ALCAM: variants seen among roughly 807,000 people sequenced by gnomAD.
ALCAM encodes the protein activated leukocyte cell adhesion molecule.
A neutral mutation model predicts 70.9 loss-of-function variants in ALCAM; 30 were observed. The ratio of observed to expected loss-of-function variants is 0.42; its 90% CI spans 0.32 to 0.57. ALCAM has a LOEUF of 0.57. Ranked by LOEUF, ALCAM falls within the 20% of genes least tolerant of loss-of-function variation. The probability of loss-of-function intolerance (pLI) is 0.11; values close to 1 mark genes in which losing one functional copy is unlikely to be tolerated. For missense variants in ALCAM, 591 were observed against 695.1 expected, an observed-to-expected ratio of 0.85 and a Z score of 1.68; for synonymous variants, 249 against 242.5, an observed-to-expected ratio of 1.03 and a Z score of -0.25.
chr3:105,524,873 T>C (rs1939656275), intron 3 of ALCAM: 2 of 1,001,042 alleles, frequency 2.0e-6, no homozygotes, highest in African/African-American at 1.7e-5. Context: ...TGTAATCATG[T>C]ATATCACGCA....
intron 14 of ALCAM, among the ~76,000 whole-genome samples, chr3:105,568,995 G>A (rs555237606): frequency 6.6e-6 from 1 of 151,670 alleles, no homozygotes; most frequent in South Asian, 2.1e-4. Context: ...TTACCATACA[G>A]GTCAAGGCAG....
At chr3:105,437,278 A>G (rs1265020740) in intron 1 of ALCAM, among the ~76,000 whole-genome samples, 3 of 152,236 alleles carry the variant, frequency 2.0e-5, no homozygotes, top group African/African-American at 7.2e-5. Flanking sequence ...ATTGTTGCCT[A>G]TAACAGAAAT....
chr3:105,557,988 G>A (rs903801157), intron 14 of ALCAM, among the ~76,000 whole-genome samples: 1 of 152,076 alleles, frequency 6.6e-6, no homozygotes, highest in Non-Finnish European at 1.5e-5. Context: ...ACTCTCAGTG[G>A]GGATTAGTGT....
intron 1 of ALCAM, among the ~76,000 whole-genome samples, chr3:105,481,355 C>T (rs7632662): frequency 0.013 from 2,016 of 152,216 alleles, 35 homozygotes; most frequent in African/African-American, 0.044. Flanking sequence ...ACTTTGATTA[C>T]TCACAGCTTA....
intron 1 of ALCAM, among the ~76,000 whole-genome samples, chr3:105,490,417 G>A (rs1938548778): frequency 6.6e-6 from 1 of 152,144 alleles, no homozygotes; most frequent in South Asian, 2.1e-4. Flanking sequence ...TTAGCCTGTA[G>A]TACTTTTGAA....
In ALCAM at chr3:105,473,053, T is replaced by A. The variant is rs1395788595; in HGVS notation, c.74-47014T>A. ...ATGTTGGTTGGAAATTTCCCTCAAATCACCTACTGATTACCCTTGATTTCC... is the reference window on the plus strand; with the variant it reads ...ATGTTGGTTGGAAATTTCCCTCAAAACACCTACTGATTACCCTTGATTTCC... On this transcript the variant is annotated intron_variant, in intron 1 of 15. Coordinates refer to ENST00000306107, the MANE Select transcript of ALCAM (RefSeq NM_001627.4). Among the ~76,000 whole-genome samples, 3 of 151,538 alleles carry A rather than the reference T, an allele frequency of 2.0e-5. 1 individual carries two copies. The highest frequency in any genetic ancestry group is 7.2e-5 in the African/African-American group (3 of 41,462).
intron 1 of ALCAM, among the ~76,000 whole-genome samples, chr3:105,448,004 T>C (rs138075205): frequency 2.0e-5 from 3 of 152,332 alleles, no homozygotes; most frequent in Non-Finnish European, 4.4e-5. Flanking sequence ...TGCAATTGGA[T>C]GTGTTTAACA....
At chr3:105,414,914 T>G (rs1936472995) in intron 1 of ALCAM, among the ~76,000 whole-genome samples, 1 of 151,952 alleles carries the variant, frequency 6.6e-6, no homozygotes, top group Non-Finnish European at 1.5e-5. Flanking sequence ...AGAGAGTGAG[T>G]TTAAAGCTGG....
chr3:105,508,283 A>G (rs1365885115), intron 1 of ALCAM, among the ~76,000 whole-genome samples: 2 of 152,298 alleles, frequency 1.3e-5, no homozygotes, highest in East Asian at 3.9e-4. Context: ...AGGACATGGA[A>G]TCATTTTTTG....
rs867747207 is a variant in ALCAM, at chr3:105,549,213, A to C, written c.1375-914A>C. On this transcript the variant is annotated intron_variant, in intron 11 of 15. Transcript: ENST00000306107. ...GATATGTTATTTTTCTTGTTCTGGG[A>C]TTTGTGCTGATGCATCCATAATCAC... is the stretch of plus-strand genomic sequence containing the variant. 5.3e-5 allele frequency among the ~76,000 whole-genome samples: 8 copies of C among 151,484 alleles called. No homozygotes were observed. In the South Asian group the frequency reaches 1.7e-3, roughly 31 times the overall value.
chr3:105,455,441 C>CA (rs66472811), intron 1 of ALCAM, among the ~76,000 whole-genome samples: 1,443 of 126,342 alleles, frequency 0.011, 8 homozygotes, highest in South Asian at 0.026. Context: ...GACACCGTCT[C>CA]AAAAAAAAAA....
At chr3:105,499,971 A>G (rs2152615520) in intron 1 of ALCAM, among the ~76,000 whole-genome samples, 1 of 152,276 alleles carries the variant, frequency 6.6e-6, no homozygotes, top group Admixed American at 6.5e-5. Flanking sequence ...AATATCTGCT[A>G]TCTTTTCTTA....
At chr3:105,489,390 G>A (rs1938521984) in intron 1 of ALCAM, among the ~76,000 whole-genome samples, 1 of 152,066 alleles carries the variant, frequency 6.6e-6, no homozygotes, top group South Asian at 2.1e-4. Context: ...GCAAATTTAT[G>A]TATACCATAA....
chr3:105,408,919 T>A (rs1015799549), intron 1 of ALCAM, among the ~76,000 whole-genome samples: 3 of 152,072 alleles, frequency 2.0e-5, no homozygotes, highest in African/African-American at 7.2e-5. Context: ...AAAGAAGATG[T>A]ACAATTGACC....
At chr3:105,495,901 CTT>C (rs1938723883) in intron 1 of ALCAM, among the ~76,000 whole-genome samples, 1 of 152,220 alleles carries the variant, frequency 6.6e-6, no homozygotes, top group African/African-American at 2.4e-5. Context: ...CTTTCCCTCT[CTT>C]GTTTTTTCTT....
intron 1 of ALCAM, among the ~76,000 whole-genome samples, chr3:105,372,884 A>G (rs1331601291): frequency 2.0e-5 from 3 of 152,142 alleles, no homozygotes; most frequent in African/African-American, 7.2e-5. Context: ...CTCAAATCCT[A>G]TAAATATTAT....
chr3:105,531,818 T>C (rs576722228), intron 3 of ALCAM, among the ~76,000 whole-genome samples, 184 bp from the exon 4 acceptor site: 2 of 152,314 alleles, frequency 1.3e-5, no homozygotes, highest in East Asian at 3.9e-4. Context: ...ATATTTAAGA[T>C]AATAAATATT....
intron 1 of ALCAM, among the ~76,000 whole-genome samples, chr3:105,429,580 A>G (rs1936876505): frequency 6.6e-6 from 1 of 151,916 alleles, no homozygotes; most frequent in Non-Finnish European, 1.5e-5. Flanking sequence ...CAAAAAGAGT[A>G]TTTAAACAGC....
chr3:105,443,905 A>G (rs910798478), intron 1 of ALCAM, among the ~76,000 whole-genome samples: 1 of 152,102 alleles, frequency 6.6e-6, no homozygotes, highest in Non-Finnish European at 1.5e-5. Context: ...CACAATGCCA[A>G]AAAAACATAG....
Sources: gnomAD v4.1 joint callset for allele counts (sites outside exome capture counted in the v4.1 genomes callset) on GRCh38, gnomAD v4.1.1 for gene constraint, MANE v1.5 for transcripts, NCBI Gene and HGNC (gene_info 2026-07-23, HGNC 2026-07-21) for gene names.